Variants in CFAP77 observed in about 807,000 individuals in gnomAD.
The protein encoded by CFAP77 is cilia and flagella associated protein 77.
Under a neutral mutation model 31.1 loss-of-function variants are expected in CFAP77, and 25 were observed. That is an observed-to-expected ratio of 0.80 (90% confidence interval 0.59 to 1.12). The LOEUF is 1.12. Among genes scored for constraint, CFAP77 ranks in the 50% most tolerant of loss-of-function variants. The probability of loss-of-function intolerance (pLI) is 0.00; values close to 1 mark genes in which losing one functional copy is unlikely to be tolerated. For synonymous variants in CFAP77, 151 were observed against 159.9 expected (o/e 0.94, Z 0.42); for missense variants, 377 against 397.3 (o/e 0.95, Z 0.44).
rs1057511729 is a variant in CFAP77, at chr9:132,497,743, A to G, written c.196-952A>G. Among the ~76,000 whole-genome samples, 3 of 152,040 alleles carry G rather than the reference A, an allele frequency of 2.0e-5. No homozygotes were observed. The highest frequency in any genetic ancestry group is 4.4e-5 in the Non-Finnish European group (3 of 67,980). On this transcript the variant is annotated intron_variant, in intron 1 of 5. Transcript: ENST00000393216. The surrounding 1 kb of genome is among the most constrained non-coding windows in gnomAD (Gnocchi z 4.9). ...CCTGCCTCACTGCGCAGCTATGCAG[A>G]CGGCATGAGGGAAGGCCAGGGAGCC...
Position 132,565,250 on chromosome 9 carries a change from C to A in CFAP77, c.733-7138C>A, listed in dbSNP as rs1222729942. Among the ~76,000 whole-genome samples, 1 of 151,828 alleles carries A rather than the reference C, an allele frequency of 6.6e-6. No homozygotes were observed. The highest frequency in any genetic ancestry group is 1.9e-4 in the East Asian group (1 of 5,178). ...CATTCCTCCTTTGCCCCTTCCTTTG[C>A]CCCTGGCTTGCTCCTTCATCCTCCC... On this transcript the variant is annotated intron_variant, in intron 5 of 5. Coordinates refer to ENST00000393216, the MANE Select transcript of CFAP77 (RefSeq NM_001282957.2). The surrounding 1 kb of genome is among the most constrained non-coding windows in gnomAD (Gnocchi z 4.1).
rs187145876 is a variant in CFAP77, at chr9:132,451,908, G to A, written c.195+41442G>A. Among the ~76,000 whole-genome samples, 45 of 151,206 alleles carry A rather than the reference G, an allele frequency of 3.0e-4. No homozygotes were observed. In the East Asian group the frequency reaches 7.4e-3, roughly 25 times the overall value. ...CAACTTCCGCCTCCTGGATTCAAGC[G>A]ATTCTCCTGCCTCAGCCTCCTGAGC... is the stretch of plus-strand genomic sequence containing the variant. On this transcript the variant is annotated intron_variant, in intron 1 of 5. Coordinates refer to ENST00000393216, the MANE Select transcript of CFAP77 (RefSeq NM_001282957.2).
chr9:132,521,298 G>A (rs545498004), intron 3 of CFAP77, among the ~76,000 whole-genome samples: 1 of 152,306 alleles, frequency 6.6e-6, no homozygotes, highest in South Asian at 2.1e-4. Flanking sequence ...CCATCACTAG[G>A]TTCCCCAAGG....
chr9:132,412,926 C>G (rs955663946), intron 1 of CFAP77, among the ~76,000 whole-genome samples: 2 of 151,972 alleles, frequency 1.3e-5, no homozygotes, highest in Admixed American at 1.3e-4. Context: ...ATTTTCAGCT[C>G]CCCGTAGTAG....
intron 1 of CFAP77, among the ~76,000 whole-genome samples, chr9:132,485,597 G>A (rs752857827): frequency 4.9e-4 from 74 of 152,278 alleles, no homozygotes; most frequent in African/African-American, 1.5e-3. Context: ...CCTTGAGCAC[G>A]CCCCAGCTGT....
At chr9:132,482,338 C>G in intron 1 of CFAP77, 1 of 1,613,972 alleles carries the variant, frequency 6.2e-7, no homozygotes, top group Admixed American at 1.7e-5. Flanking sequence ...GTGGGAACCT[C>G]TTATTCTGTT....
intron 3 of CFAP77, among the ~76,000 whole-genome samples, chr9:132,504,513 G>A (rs907140315): frequency 5.9e-5 from 9 of 152,140 alleles, no homozygotes; most frequent in Non-Finnish European, 1.0e-4. Context: ...GACAATTTTC[G>A]TAGCAGACAT....
intron 1 of CFAP77, among the ~76,000 whole-genome samples, chr9:132,434,658 G>A (rs892954621): frequency 6.6e-5 from 10 of 151,970 alleles, no homozygotes; most frequent in Non-Finnish European, 1.2e-4. Flanking sequence ...ATATCTGTGC[G>A]TACAACTTTG....
intron 3 of CFAP77, among the ~76,000 whole-genome samples, chr9:132,529,908 C>G (rs1021261980): frequency 2.0e-5 from 3 of 151,956 alleles, no homozygotes; most frequent in African/African-American, 7.2e-5. Flanking sequence ...TCCATCCTCA[C>G]CAGCAGTGCA....
At chr9:132,543,482 G>A (rs1406079187) in intron 5 of CFAP77, among the ~76,000 whole-genome samples, 2 of 152,078 alleles carry the variant, frequency 1.3e-5, no homozygotes, top group Non-Finnish European at 2.9e-5. Context: ...TCCGCCTTGA[G>A]GAAGGAGGCT....
chr9:132,506,339 T>C (rs772420629), intron 3 of CFAP77, among the ~76,000 whole-genome samples: 2 of 152,258 alleles, frequency 1.3e-5, no homozygotes, highest in South Asian at 2.1e-4. Flanking sequence ...CACTTAATTA[T>C]TGATGCACTT....
intron 3 of CFAP77, among the ~76,000 whole-genome samples, chr9:132,532,065 G>A (rs779056001): frequency 2.0e-5 from 3 of 152,206 alleles, no homozygotes; most frequent in Non-Finnish European, 2.9e-5. Context: ...CATGGGGTGT[G>A]TAATAATTAA....
chr9:132,546,973 C>T (rs960499734), intron 5 of CFAP77, among the ~76,000 whole-genome samples: 1 of 152,238 alleles, frequency 6.6e-6, no homozygotes, highest in South Asian at 2.1e-4. Flanking sequence ...CTTGGAGGTG[C>T]AGACCCCAAA....
intron 1 of CFAP77, among the ~76,000 whole-genome samples, chr9:132,484,997 C>T (rs572553346): frequency 1.3e-5 from 2 of 152,152 alleles, no homozygotes; most frequent in East Asian, 1.9e-4. Flanking sequence ...TACAGGCATG[C>T]GCCAGCAAGC....
intron 1 of CFAP77, among the ~76,000 whole-genome samples, chr9:132,443,553 A>G (rs1359827375): frequency 6.6e-6 from 1 of 152,162 alleles, no homozygotes; most frequent in Admixed American, 6.5e-5. Flanking sequence ...GCACCCGGCC[A>G]GAAAAGTATT....
intron 5 of CFAP77, among the ~76,000 whole-genome samples, chr9:132,546,804 C>T (rs1852739834): frequency 6.6e-6 from 1 of 152,240 alleles, no homozygotes. Context: ...GCGAGGGGCC[C>T]TCCTACCAGG....
At chr9:132,445,881 A>AG (rs1564206479) in intron 1 of CFAP77, among the ~76,000 whole-genome samples, 4 of 151,636 alleles carry the variant, frequency 2.6e-5, no homozygotes. Flanking sequence ...AAAAAAAAAA[A>AG]AAAGAAAGAA....
At chr9:132,412,801 G>C (rs550423850) in intron 1 of CFAP77, among the ~76,000 whole-genome samples, 73 of 152,230 alleles carry the variant, frequency 4.8e-4, no homozygotes, top group Admixed American at 3.9e-4. Context: ...AGAGAAAATG[G>C]AAAATATGTG....
At chr9:132,426,420 GGGAA>G in intron 1 of CFAP77, among the ~76,000 whole-genome samples, 1 of 152,244 alleles carries the variant, frequency 6.6e-6, no homozygotes, top group Non-Finnish European at 1.5e-5. Flanking sequence ...CCAAGTTGGG[GGGAA>G]ATGAGAAACA....
Sources: gnomAD v4.1 joint callset for allele counts (sites outside exome capture counted in the v4.1 genomes callset) on GRCh38, gnomAD v4.1.1 for gene constraint, Gnocchi (gnomAD v3.1) non-coding constraint, MANE v1.5 for transcripts, NCBI Gene and HGNC (gene_info 2026-07-23, HGNC 2026-07-21) for gene names.